Variants in IGF2BP2 observed in about 807,000 individuals in gnomAD.
IGF2BP2 encodes insulin like growth factor 2 mRNA binding protein 2.
In IGF2BP2, 17 loss-of-function variants were observed where a neutral mutation model predicts 75.8. That is an observed-to-expected ratio of 0.22 (90% confidence interval 0.15 to 0.34). The LOEUF (loss-of-function observed/expected upper bound fraction) is 0.34, where lower values mean the gene tolerates loss of function less well. IGF2BP2 is among the 10% of genes least tolerant of loss of function. The probability of loss-of-function intolerance (pLI) is 1.00; values close to 1 mark genes in which losing one functional copy is unlikely to be tolerated. For missense variants in IGF2BP2, 516 were observed against 772.4 expected, an observed-to-expected ratio of 0.67 and a Z score of 3.93; for synonymous variants, 288 against 295.6, an observed-to-expected ratio of 0.97 and a Z score of 0.26.
intron 2 of IGF2BP2, among the ~76,000 whole-genome samples, chr3:185,785,401 G>A (rs1735755978): frequency 6.6e-6 from 1 of 150,654 alleles, no homozygotes; most frequent in Admixed American, 6.6e-5. Flanking sequence ...ATTTTACTGT[G>A]TCAATAACGA....
chr3:185,762,247 G>T (rs1372468116), intron 2 of IGF2BP2, among the ~76,000 whole-genome samples: 1 of 151,524 alleles, frequency 6.6e-6, no homozygotes, highest in Non-Finnish European at 1.5e-5. Context: ...ACAAAAATTA[G>T]CCAGGCACGG....
At chr3:185,749,745 G>C (rs138672583) in intron 2 of IGF2BP2, among the ~76,000 whole-genome samples, 1 of 152,258 alleles carries the variant, frequency 6.6e-6, no homozygotes, top group Non-Finnish European at 1.5e-5. Context: ...AATTAGCCAG[G>C]ATATGATCTC....
At chr3:185,665,320 AAGGAGGAGG>A (rs773580962) in intron 10 of IGF2BP2, among the ~76,000 whole-genome samples, 6 of 50,138 alleles carry the variant, frequency 1.2e-4, no homozygotes, top group Admixed American at 4.2e-4. Flanking sequence ...GCAGAAGGAG[AAGGAGGAGG>A]AGGAGGAGGA....
intron 10 of IGF2BP2, among the ~76,000 whole-genome samples, chr3:185,660,529 G>A (rs1055927924): frequency 3.3e-5 from 5 of 152,208 alleles, no homozygotes; most frequent in African/African-American, 9.6e-5. Context: ...CACGCCTGCC[G>A]GCGACAGAGC....
rs953785983 is a variant in IGF2BP2, at chr3:185,734,699, A to G, written c.240-36352T>C. Among the ~76,000 whole-genome samples, 18 of 152,366 alleles carry G rather than the reference A, an allele frequency of 1.2e-4. 1 individual carries two copies. The highest frequency in any genetic ancestry group is 4.1e-4 in the African/African-American group (17 of 41,584). ...AAATAATTTTAATTTTCCTGCTTACAGCAGGGAAATTAATTGTAAGCTCAA... is the reference window on the plus strand; with the variant it reads ...AAATAATTTTAATTTTCCTGCTTACGGCAGGGAAATTAATTGTAAGCTCAA... On this transcript the variant is annotated intron_variant, in intron 2 of 15. Coordinates refer to ENST00000382199, the MANE Select transcript of IGF2BP2 (RefSeq NM_006548.6).
At chr3:185,787,822 G>C (rs767774031) in intron 2 of IGF2BP2, among the ~76,000 whole-genome samples, 9 of 152,124 alleles carry the variant, frequency 5.9e-5, no homozygotes, top group Non-Finnish European at 8.8e-5. Context: ...AGCCAGGATG[G>C]ATGCTGTTTT....
chr3:185,764,408 T>C (rs1732781056), intron 2 of IGF2BP2, among the ~76,000 whole-genome samples: 1 of 152,182 alleles, frequency 6.6e-6, no homozygotes, highest in Non-Finnish European at 1.5e-5. Flanking sequence ...GCTTATGTTT[T>C]TGCTGCAGAT....
rs749820431 is a variant in IGF2BP2 at position 185,647,841 on chromosome 3, G to A, written c.1594-703C>T. ...ACCCCGTCCTCTGGCCCTCTGGCCT[G>A]ATGCCGAGCTCACAGGCGGGTTCAG... On this transcript the variant is annotated intron_variant, in intron 14 of 15. Coordinates refer to ENST00000382199, the MANE Select transcript of IGF2BP2 (RefSeq NM_006548.6). This position sits in a 1 kb window ranked among gnomAD's most constrained non-coding sequence, Gnocchi z 4.9. Among the ~76,000 whole-genome samples, 3 of 152,272 alleles carry A rather than the reference G, an allele frequency of 2.0e-5. No homozygotes were observed. Among genetic ancestry groups the A allele is most frequent in the Non-Finnish European group, 4.4e-5 (3 of 68,054 alleles).
intron 8 of IGF2BP2, 48 bp downstream of exon 8, chr3:185,675,743 C>T (rs898843812): frequency 1.2e-6 from 2 of 1,600,864 alleles, no homozygotes; most frequent in Non-Finnish European, 8.5e-7. Flanking sequence ...TATCGAAATG[C>T]TCAGGTGTTC....
chr3:185,709,694 C>T (rs1406889799), intron 2 of IGF2BP2, among the ~76,000 whole-genome samples: 1 of 152,180 alleles, frequency 6.6e-6, no homozygotes, highest in African/African-American at 2.4e-5. Context: ...CCTAAATCTA[C>T]CAAGAGAGCA....
At chr3:185,743,204 C>T (rs929281350) in intron 2 of IGF2BP2, among the ~76,000 whole-genome samples, 7 of 151,722 alleles carry the variant, frequency 4.6e-5, no homozygotes, top group Non-Finnish European at 1.5e-5. Context: ...CTTTAAGTAA[C>T]AAATAAAACA....
chr3:185,701,859 T>C (rs1474385109), intron 2 of IGF2BP2, among the ~76,000 whole-genome samples: 2 of 152,168 alleles, frequency 1.3e-5, no homozygotes, highest in Admixed American at 1.3e-4. Flanking sequence ...TGAGGGATTA[T>C]CTTTTGGGGT....
Position 185,655,564 on chromosome 3 carries a change from C to G in IGF2BP2, c.1386+1722G>C, listed in dbSNP as rs16860168. On this transcript the variant is annotated intron_variant, in intron 12 of 15. Coordinates refer to ENST00000382199, the MANE Select transcript of IGF2BP2 (RefSeq NM_006548.6). ...GTTGGCCCAGCATAAAAAACATTGT[C>G]TGGACCTTCCTAAGCTGTAGAGTCC... Among the ~76,000 whole-genome samples, 482 of 152,364 alleles carry G rather than the reference C, an allele frequency of 3.2e-3. 2 individuals are homozygous for G. The highest frequency in any genetic ancestry group is 0.011 in the African/African-American group (455 of 41,594).
At chr3:185,656,709 T>C (rs892654814) in intron 12 of IGF2BP2, among the ~76,000 whole-genome samples, 22 of 152,234 alleles carry the variant, frequency 1.4e-4, no homozygotes, top group Non-Finnish European at 1.0e-4. Context: ...TTCTCCACAC[T>C]GTGCTCAAGG....
chr3:185,744,211 G>C (rs986826137), intron 2 of IGF2BP2, among the ~76,000 whole-genome samples: 6 of 152,168 alleles, frequency 3.9e-5, no homozygotes, highest in African/African-American at 1.4e-4. Flanking sequence ...AGCCAAGTGA[G>C]GAACTCAGGA....
In IGF2BP2 at chr3:185,698,299, C is replaced by T. The variant is rs1333247161; in HGVS notation, c.288G>A (p.Glu96=). The T allele has an allele frequency of 6.8e-6, 11 of 1,613,556 alleles. No homozygotes were observed. The highest frequency in any genetic ancestry group is 2.2e-5 in the East Asian group (1 of 44,880). Residue 96 remains glutamate, a splice_region_variant and synonymous_variant, in exon 3 of 16, where the codon GAG becomes GAA. Transcript: ENST00000382199. ...IRNIPPHLQW[E]VLDGLLAQYG... is the part of the protein sequence containing the mutation. ...CCATTAAAAATTGACACTGGCTTAC[C>T]TCCCACTGCAGGTGAGGAGGGATGT...
chr3:185,757,850 G>A (rs895638352), intron 2 of IGF2BP2, among the ~76,000 whole-genome samples: 4 of 152,188 alleles, frequency 2.6e-5, no homozygotes. Context: ...AATGATTGCT[G>A]ATTGATTTCT....
intron 3 of IGF2BP2, among the ~76,000 whole-genome samples, chr3:185,696,886 G>T (rs141908886): frequency 1.3e-5 from 2 of 152,248 alleles, no homozygotes; most frequent in Non-Finnish European, 2.9e-5. Context: ...GTTCACTAAG[G>T]TTACACAGCA....
rs534943361 is a variant in IGF2BP2 at position 185,724,701 on chromosome 3, G to A, written c.240-26354C>T. ...GTGTTCTAATTAAAAGGCAAGGTAG[G>A]CCAGATTTTAAAGGAATCCCCATAT... On this transcript the variant is annotated intron_variant, in intron 2 of 15. Transcript: ENST00000382199. The A allele has an allele frequency of 6.6e-5, 10 of 152,296 alleles. No homozygotes were observed. The South Asian group carries it at 2.1e-3, about 32-fold the overall frequency. 9.4% of individuals were successfully genotyped at this position (152,296 alleles called of 1,614,324 possible).
Sources: allele counts gnomAD v4.1 joint callset (sites outside exome capture counted in the v4.1 genomes callset), GRCh38; gene constraint gnomAD v4.1.1; non-coding constraint Gnocchi (gnomAD v3.1); transcripts MANE v1.5; gene names NCBI Gene and HGNC (gene_info 2026-07-23, HGNC 2026-07-21).